Variants in SORCS2 observed in about 807,000 individuals in gnomAD.
The protein encoded by SORCS2 is VPS10 domain-containing receptor SorCS2.
SORCS2 carries 100 observed loss-of-function variants against 141.6 expected under a neutral mutation model. The ratio of observed to expected loss-of-function variants is 0.71; its 90% CI spans 0.60 to 0.83. The LOEUF is 0.83. SORCS2 is among the 40% of genes least tolerant of loss of function. The pLI is 0.00. For missense variants in SORCS2, 1,646 were observed against 1,560.2 expected (o/e 1.05, Z -0.93); for synonymous variants, 789 against 676.9 (o/e 1.17, Z -2.57).
chr4:7,306,324 C>T (rs978482106), intron 1 of SORCS2, among the ~76,000 whole-genome samples: 3 of 145,414 alleles, frequency 2.1e-5, no homozygotes, highest in African/African-American at 2.6e-5. Flanking sequence ...AGGGGGAGGG[C>T]GGCATCTGGA....
At chr4:7,362,595 G>T (rs1418339769) in intron 1 of SORCS2, among the ~76,000 whole-genome samples, 2 of 152,096 alleles carry the variant, frequency 1.3e-5, no homozygotes, top group South Asian at 2.1e-4. Flanking sequence ...AGAGGGCTCT[G>T]CCCCTGGAAA....
chr4:7,492,444 G>A (rs911857598), intron 2 of SORCS2, among the ~76,000 whole-genome samples: 1 of 152,260 alleles, frequency 6.6e-6, no homozygotes, highest in African/African-American at 2.4e-5. Flanking sequence ...ATTCCGCGGT[G>A]TGGATACACC....
At chr4:7,567,745 G>A (rs754703253) in intron 3 of SORCS2, among the ~76,000 whole-genome samples, 2 of 152,220 alleles carry the variant, frequency 1.3e-5, no homozygotes, top group African/African-American at 2.4e-5. Context: ...CTTGAGAGCA[G>A]AGGACCTGCA....
rs759553731 is a variant in SORCS2 at position 7,458,815 on chromosome 4, G to T, written c.548+62460G>T. ...CGGGAGCAGTGGTGGTGTCCCCAGG[G>T]GTCAGGGGAGTCTTCTTGGTGGAGG... On this transcript the variant is annotated intron_variant, in intron 2 of 26. Coordinates refer to ENST00000507866, the MANE Select transcript of SORCS2 (RefSeq NM_020777.3). 2.6e-5 allele frequency among the ~76,000 whole-genome samples: 4 copies of T among 152,084 alleles called. No homozygotes were observed. The East Asian group carries it at 7.7e-4, about 29-fold the overall frequency.
intron 22 of SORCS2, 54 bp from the exon 23 acceptor site, chr4:7,729,533 G>A: frequency 6.5e-7 from 1 of 1,543,074 alleles, no homozygotes; most frequent in Non-Finnish European, 8.8e-7. Flanking sequence ...GCCCCAGTAT[G>A]AGGCAGGGAA....
At chr4:7,301,062 C>G (rs1173514609) in intron 1 of SORCS2, among the ~76,000 whole-genome samples, 1 of 152,142 alleles carries the variant, frequency 6.6e-6, no homozygotes, top group Non-Finnish European at 1.5e-5. Context: ...AGCAGCATCT[C>G]CGTGGGCCCC....
intron 2 of SORCS2, among the ~76,000 whole-genome samples, chr4:7,410,022 C>G (rs1190561838): frequency 6.6e-6 from 1 of 152,208 alleles, no homozygotes; most frequent in Non-Finnish European, 1.5e-5. Flanking sequence ...CTGACGCTCA[C>G]TGATATAAAG....
At chr4:7,281,790 C>T (rs1715902605) in intron 1 of SORCS2, among the ~76,000 whole-genome samples, 1 of 152,200 alleles carries the variant, frequency 6.6e-6, no homozygotes, top group Non-Finnish European at 1.5e-5. Context: ...ATCCTGTGTG[C>T]TAATCACAGC....
chr4:7,241,223 G>C (rs1712673236), intron 1 of SORCS2, among the ~76,000 whole-genome samples: 1 of 152,156 alleles, frequency 6.6e-6, no homozygotes, highest in Admixed American at 6.5e-5. Flanking sequence ...ACAGGCATGA[G>C]CCACCTCACT....
At chr4:7,683,404 TCAGCTGGGTGGCTC>T (rs869137497) in intron 10 of SORCS2, among the ~76,000 whole-genome samples, 94,922 of 147,412 alleles carry the variant, frequency 0.64, 33,569 homozygotes, top group African/African-American at 0.68. Context: ...TTGTCTGGGC[TCAGCTGGGTGGCTC>T]TGCTGATCTT....
chr4:7,520,070 G>T lies in SORCS2; in HGVS notation c.549-11460G>T, dbSNP rs560446462. The stretch of plus-strand genomic sequence containing the variant: ...GAGGAGGAGAGCCCTGGTGATGAGG[G>T]CCCTTGGGGGCTGTAGGGTGGCGCT... On this transcript the variant is annotated intron_variant, in intron 2 of 26. Coordinates refer to ENST00000507866, the MANE Select transcript of SORCS2 (RefSeq NM_020777.3). 4.6e-5 allele frequency among the ~76,000 whole-genome samples: 7 copies of T among 152,336 alleles called. No homozygotes were observed. In the East Asian group the frequency reaches 7.7e-4, roughly 17 times the overall value.
chr4:7,231,528 T>G (rs569251979), intron 1 of SORCS2, among the ~76,000 whole-genome samples: 2 of 152,178 alleles, frequency 1.3e-5, no homozygotes, highest in Admixed American at 1.3e-4. Context: ...CATCCATCCA[T>G]CCATCCATTC....
At chr4:7,653,289 G>T (rs1371852956) in intron 4 of SORCS2, among the ~76,000 whole-genome samples, 2 of 152,186 alleles carry the variant, frequency 1.3e-5, no homozygotes, top group African/African-American at 2.4e-5. Context: ...TGTTGCTAGG[G>T]CTGGAGTGCA....
At chr4:7,507,801 C>A (rs1041841476) in intron 2 of SORCS2, among the ~76,000 whole-genome samples, 1 of 152,046 alleles carries the variant, frequency 6.6e-6, no homozygotes, top group Non-Finnish European at 1.5e-5. Context: ...GGCTGGAACA[C>A]GGGGTTGGGT....
chr4:7,610,590 TG>T (rs1041781775), intron 3 of SORCS2, among the ~76,000 whole-genome samples: 4 of 151,906 alleles, frequency 2.6e-5, no homozygotes, highest in Admixed American at 1.3e-4. Context: ...GGGTGGGGCT[TG>T]GGGGGGTCCT....
chr4:7,715,352 G>A, intron 17 of SORCS2, 41 bp downstream of exon 17: 2 of 1,607,874 alleles, frequency 1.2e-6, no homozygotes, highest in Non-Finnish European at 1.7e-6. Flanking sequence ...AAATCCGGGG[G>A]CAGAGCTGTG....
chr4:7,436,739 G>A (rs1178104067), intron 2 of SORCS2, among the ~76,000 whole-genome samples: 2 of 152,204 alleles, frequency 1.3e-5, no homozygotes, highest in Non-Finnish European at 2.9e-5. Context: ...GTGCACCATG[G>A]TGGATTTGTC....
intron 1 of SORCS2, among the ~76,000 whole-genome samples, chr4:7,265,953 C>T (rs948578593): frequency 6.6e-6 from 1 of 152,176 alleles, no homozygotes; most frequent in Non-Finnish European, 1.5e-5. Flanking sequence ...GAAAAACAGC[C>T]TCCGGCTCAT....
intron 2 of SORCS2, among the ~76,000 whole-genome samples, chr4:7,501,797 G>A (rs1731992869): frequency 6.6e-6 from 1 of 152,208 alleles, no homozygotes; most frequent in Non-Finnish European, 1.5e-5. Context: ...ACACAATTAA[G>A]TTTCCTGAAT....
Sources: allele counts gnomAD v4.1 joint callset (sites outside exome capture counted in the v4.1 genomes callset), GRCh38; gene constraint gnomAD v4.1.1; transcripts MANE v1.5; gene names NCBI Gene and HGNC (gene_info 2026-07-23, HGNC 2026-07-21).